CHIC2: variants seen among roughly 807,000 people sequenced by gnomAD.
CHIC2 encodes the protein cysteine rich hydrophobic domain 2, also known as cysteine-rich hydrophobic domain-containing protein 2.
In CHIC2, 14 loss-of-function variants were observed where a neutral mutation model predicts 25.9. The observed-to-expected ratio is 0.54, with a 90% CI of 0.36 to 0.85. The LOEUF is 0.85. CHIC2 is among the 40% of genes least tolerant of loss of function. The pLI, the probability that CHIC2 is intolerant of heterozygous loss-of-function variation, is 0.01. For missense variants in CHIC2, 146 were observed against 202.0 expected, an observed-to-expected ratio of 0.72 and a Z score of 1.68; for synonymous variants, 70 against 72.0, an observed-to-expected ratio of 0.97 and a Z score of 0.14.
At chr4:54,029,846 A>AAG (rs1341869613) in intron 3 of CHIC2, among the ~76,000 whole-genome samples, 4 of 152,198 alleles carry the variant, frequency 2.6e-5, no homozygotes, top group African/African-American at 9.6e-5. Flanking sequence ...CTTTCTGCTT[A>AAG]TGATTCCCCC....
At chr4:54,047,931 GAATAT>G (rs540800652) in intron 3 of CHIC2, among the ~76,000 whole-genome samples, 94 of 151,752 alleles carry the variant, frequency 6.2e-4, no homozygotes, top group East Asian at 2.7e-3. Context: ...ATTTTAACAA[GAATAT>G]AATACATTCA....
intron 3 of CHIC2, among the ~76,000 whole-genome samples, chr4:54,045,155 T>C (rs531366867): frequency 1.3e-5 from 2 of 152,204 alleles, no homozygotes; most frequent in East Asian, 1.9e-4. Flanking sequence ...AGGCAATAAT[T>C]AGTAGCTTAC....
chr4:54,039,347 C>G (rs1716496109), intron 3 of CHIC2, among the ~76,000 whole-genome samples: 1 of 152,108 alleles, frequency 6.6e-6, no homozygotes, highest in African/African-American at 2.4e-5. Context: ...GACTTATTTT[C>G]AGAATTATAT....
the CHIC2 span, among the ~76,000 whole-genome samples, chr4:54,086,140 T>C: frequency 6.6e-6 from 1 of 152,060 alleles, no homozygotes; most frequent in Non-Finnish European, 1.5e-5. Flanking sequence ...CAGGTTCTGC[T>C]TTATATGCTT....
intron 1 of CHIC2, among the ~76,000 whole-genome samples, chr4:54,050,843 A>T (rs1368671773): frequency 6.6e-6 from 1 of 152,118 alleles, no homozygotes; most frequent in Non-Finnish European, 1.5e-5. Context: ...CCCATTTATC[A>T]GAGTAGTCCC....
intron 1 of CHIC2, among the ~76,000 whole-genome samples, chr4:54,056,249 G>A (rs1286582756): frequency 1.3e-5 from 2 of 152,162 alleles, no homozygotes; most frequent in East Asian, 1.9e-4. Context: ...AACTTCTGGC[G>A]ATATAGGGAT....
At chr4:54,048,111 C>T (rs112410436) in intron 3 of CHIC2, among the ~76,000 whole-genome samples, 3,500 of 152,210 alleles carry the variant, frequency 0.023, 59 homozygotes, top group Middle Eastern at 0.048. Flanking sequence ...GCCTCAGCCT[C>T]CTGACTAACT....
chr4:54,012,139 G>A (rs897663665), intron 5 of CHIC2, among the ~76,000 whole-genome samples: 12 of 151,494 alleles, frequency 7.9e-5, no homozygotes, highest in Admixed American at 2.6e-4. Flanking sequence ...TTTAAAGAGA[G>A]GTGGGTATTG....
rs1424749033 is a variant in CHIC2, at chr4:54,048,877, CA to C, written c.330+77del. On this transcript the variant is annotated intron_variant, in intron 3 of 5. Transcript: ENST00000263921. Reference sequence around the variant, plus strand: ...TCAGGATAGTGTGATTCATTCAATACAAAAAATAAAAACTAGATAAATGCAA... The same window carrying C: ...TCAGGATAGTGTGATTCATTCAATACAAAAATAAAAACTAGATAAATGCAA... The C allele has an allele frequency of 1.4e-5, 17 of 1,229,688 alleles. No individual in the cohort carries two copies. The Admixed American group carries it at 5.1e-4, about 37-fold the overall frequency. 76.2% of individuals were successfully genotyped at this position (1,229,688 alleles called of 1,614,324 possible).
intron 3 of CHIC2, among the ~76,000 whole-genome samples, chr4:54,037,562 A>T (rs902731873): frequency 1.3e-5 from 2 of 152,172 alleles, no homozygotes; most frequent in Non-Finnish European, 2.9e-5. Context: ...ATATACTTTA[A>T]GTATGTGTAG....
chr4:54,024,063 C>T (rs1715986404), intron 3 of CHIC2, among the ~76,000 whole-genome samples: 1 of 151,824 alleles, frequency 6.6e-6, no homozygotes. Context: ...CAACTTCTGC[C>T]CCTCATGGCC....
chr4:54,045,861 T>C (rs1279465625), intron 3 of CHIC2, among the ~76,000 whole-genome samples: 1 of 151,524 alleles, frequency 6.6e-6, no homozygotes, highest in Non-Finnish European at 1.5e-5. Context: ...AGTCAAATTG[T>C]CCCTGTTTGC....
At chr4:54,078,265 T>C in the CHIC2 span, among the ~76,000 whole-genome samples, 2,491 of 152,310 alleles carry the variant, frequency 0.016, 31 homozygotes, top group Middle Eastern at 0.031. Context: ...TTCTCGTTGC[T>C]AGGATGGTCA....
chr4:54,040,119 T>A (rs367903578), intron 3 of CHIC2, among the ~76,000 whole-genome samples: 4 of 152,212 alleles, frequency 2.6e-5, no homozygotes, highest in African/African-American at 9.7e-5. Context: ...CTGTTATGTA[T>A]CTTGATTCTG....
At chr4:54,078,239 CA>C in the CHIC2 span, among the ~76,000 whole-genome samples, 11 of 152,140 alleles carry the variant, frequency 7.2e-5, no homozygotes, top group Non-Finnish European at 1.6e-4. Context: ...GTCAAAGGGT[CA>C]GATGTTGCTT....
chr4:54,087,453 C>A, the CHIC2 span: 1 of 665,844 alleles, frequency 1.5e-6, no homozygotes, highest in Non-Finnish European at 2.4e-6. Context: ...AAGGCATAGG[C>A]AGTTAATGAA....
chr4:54,088,326 G>A, the CHIC2 span, among the ~76,000 whole-genome samples: 4 of 151,684 alleles, frequency 2.6e-5, no homozygotes, highest in African/African-American at 7.3e-5. Flanking sequence ...TGAGTCTAAT[G>A]CATGTTGTAA....
intron 3 of CHIC2, 91 bp downstream of exon 3, chr4:54,048,864 G>A: frequency 9.5e-7 from 1 of 1,058,200 alleles, no homozygotes; most frequent in Non-Finnish European, 1.3e-6. Context: ...AGGATAGTGT[G>A]ATTCATTCAA....
At chr4:54,037,920 T>A (rs1457820501) in intron 3 of CHIC2, among the ~76,000 whole-genome samples, 1 of 151,822 alleles carries the variant, frequency 6.6e-6, no homozygotes, top group Non-Finnish European at 1.5e-5. Flanking sequence ...GAGCATTAAA[T>A]GCTTATACAA....
Sources: gnomAD v4.1 joint callset for allele counts (sites outside exome capture counted in the v4.1 genomes callset) on GRCh38, gnomAD v4.1.1 for gene constraint, MANE v1.5 for transcripts, NCBI Gene and HGNC (gene_info 2026-07-23, HGNC 2026-07-21) for gene names.